The following NOTCH3 variants were observed in gnomAD, a reference collection of about 807,000 sequenced individuals.
NOTCH3 encodes the protein neurogenic locus notch homolog protein 3.
In NOTCH3, 86 loss-of-function variants were observed where a neutral mutation model predicts 213.3. The ratio of observed to expected loss-of-function variants is 0.40; its 90% CI spans 0.34 to 0.48. The LOEUF (loss-of-function observed/expected upper bound fraction) is 0.48. Ranked by LOEUF, NOTCH3 falls within the 20% of genes least tolerant of loss-of-function variation. The pLI is 0.57. For synonymous variants in NOTCH3, 1,354 were observed against 1,355.9 expected (o/e 1.00, Z 0.03); for missense variants, 2,783 against 3,272.6 (o/e 0.85, Z 3.65).
At chr19:15,175,611 A>ACG (rs1302553211) in intron 24 of NOTCH3, among the ~76,000 whole-genome samples, 11 of 142,092 alleles carry the variant, frequency 7.7e-5, no homozygotes, top group East Asian at 2.0e-4. Flanking sequence ...ACACACACAC[A>ACG]CACGCACGCA....
rs2046633536 is a variant in NOTCH3 at position 15,160,786 on chromosome 19, G to A, written c.6842C>T (p.Ala2281Val). ...PSPATATGAM[A>V]TTTGALPAQP... The stretch of plus-strand genomic sequence containing the variant: ...GGCAGGCAGTGCCCCAGTGGTGGTG[G>A]CCATGGCCCCAGTGGCAGTGGCTGG... The change falls in exon 33 of 33, where the codon GCC becomes GTC. Residue 2281 changes from alanine (A) to valine (V), a missense_variant. Transcript: ENST00000263388. 1 of 1,613,888 alleles carries A rather than the reference G, an allele frequency of 6.2e-7. No homozygotes were observed. The highest frequency in any genetic ancestry group is 8.5e-7 in the Non-Finnish European group (1 of 1,179,790).
intron 1 of NOTCH3, 119 bp from the exon 2 acceptor site, chr19:15,197,697 T>C: frequency 1.4e-6 from 1 of 704,016 alleles, no homozygotes; most frequent in Non-Finnish European, 2.3e-6. Context: ...GGGGCGTCTC[T>C]GCGGGTGCAG....
In NOTCH3 at chr19:15,184,428, C is replaced by T; in HGVS notation, c.2433G>A (p.Val811=). 1 of 1,613,834 alleles carries T rather than the reference C, an allele frequency of 6.2e-7. No homozygotes were observed. Among genetic ancestry groups the T allele is most frequent in the South Asian group, 1.1e-5 (1 of 91,062 alleles). ...AGGGTGCGGGGCCAGCACACTCGTC[C>T]ACATCCTGCTGGCATCGTGGGCCTG... ...GWQGPRCQQD[V]DECAGPAPCG... is the part of the protein sequence containing the mutation. The change falls in exon 16 of 33, where the codon GTG becomes GTA. Residue 811 remains valine (V), a synonymous_variant. Coordinates refer to ENST00000263388, the MANE Select transcript of NOTCH3 (RefSeq NM_000435.3).
chr19:15,162,798 CA>C (rs2046657115), intron 31 of NOTCH3, among the ~76,000 whole-genome samples: 11 of 136,690 alleles, frequency 8.0e-5, no homozygotes, highest in Admixed American at 8.0e-4. Context: ...TGTGTGCGTG[CA>C]TGTGCATGAC....
rs544145401 is a variant in NOTCH3 at position 15,187,272 on chromosome 19, C to T, written c.1673G>A (p.Arg558His). Reference protein sequence around the residue: ...DCSPDPCHHGRCVDGIASFSC... With the variant: ...DCSPDPCHHGHCVDGIASFSC... ...GAAGCTGGCGATGCCATCCACGCAG[C>T]GACCATGGTGGCATGGGTCAGGGGA... Residue 558 changes from arginine (R) to histidine (H), a missense_variant, in exon 11 of 33, where the codon CGC (arginine) becomes CAC (histidine). Around this residue, in one of 6 missense-constraint regions of NOTCH3, gnomAD observed 708 missense variants for 906.6 expected, o/e 0.78. Transcript: ENST00000263388. 2.0e-5 allele frequency: 32 copies of T among 1,614,098 alleles called. No homozygotes were observed. In the East Asian group the frequency reaches 2.9e-4, roughly 15 times the overall value.
chr19:15,161,982 CTT>C lies in NOTCH3; in HGVS notation c.5914-270_5914-269del, dbSNP rs71168583. On this transcript the variant is annotated intron_variant, in intron 32 of 32. Transcript: ENST00000263388. ...TTAGGCATAACTTTTTTTTTCTTGT[CTT>C]TTTTTTTTTTTTTTTTTGACAGAGT... 1.4e-3 allele frequency among the ~76,000 whole-genome samples: 164 copies of C among 114,698 alleles called. 1 individual carries two copies. Among genetic ancestry groups the C allele is most frequent in the Middle Eastern group, 6.1e-3 (1 of 164 alleles). 75.2% of individuals were successfully genotyped at this position (114,698 alleles called of 152,430 possible). A position where few individuals can be genotyped will look rare whatever the true frequency, so the allele number is the denominator to read the frequency against.
chr19:15,189,896 A>G (rs2046914553), intron 6 of NOTCH3, among the ~76,000 whole-genome samples: 1 of 152,216 alleles, frequency 6.6e-6, no homozygotes, highest in African/African-American at 2.4e-5. Context: ...TCAAACATAC[A>G]GAAAAGTTGA....
In NOTCH3 at chr19:15,194,031, G is replaced by A. The variant is rs11880697; in HGVS notation, c.198-1512C>T. Among the ~76,000 whole-genome samples, 460 of 152,140 alleles carry A rather than the reference G, an allele frequency of 3.0e-3. 3 individuals are homozygous for A. The highest frequency in any genetic ancestry group is 9.4e-3 in the African/African-American group (391 of 41,470). On this transcript the variant is annotated intron_variant, in intron 2 of 32. Coordinates refer to ENST00000263388, the MANE Select transcript of NOTCH3 (RefSeq NM_000435.3). ...TGGGAGGCGGAGGTTGCAGTAAGCCGAGATCGTGCCACTGCACTCCAGCCT... is the reference window on the plus strand; with the variant it reads ...TGGGAGGCGGAGGTTGCAGTAAGCCAAGATCGTGCCACTGCACTCCAGCCT...
chr19:15,187,892 C>T lies in NOTCH3; in HGVS notation c.1595G>A (p.Arg532His), dbSNP rs749628786. ...CVDQPDGYEC[R>H]CAEGFEGTLC... ...TTGGCCCGCCTCACCCTCGGCACAG[C>T]GGCACTCGTAGCCATCGGGCTGGTC... Residue 532 changes from arginine (R) to histidine (H), a missense_variant, in exon 10 of 33, where the codon CGC (arginine) becomes CAC (histidine). This residue lies in a region of NOTCH3 where 708 missense variants were observed against 906.6 expected (regional missense o/e 0.78). Coordinates refer to ENST00000263388, the MANE Select transcript of NOTCH3 (RefSeq NM_000435.3). 7.1e-6 allele frequency: 11 copies of T among 1,548,728 alleles called. No homozygotes were observed. Among genetic ancestry groups the T allele is most frequent in the Middle Eastern group, 2.1e-4 (1 of 4,664 alleles).
At position 15,191,573 on chromosome 19, in the gene NOTCH3, C is replaced by T. The variant is rs1039406785; in HGVS notation, c.887G>A (p.Gly296Asp). The change falls in exon 6 of 33, where the codon GGT becomes GAT. Residue 296 changes from glycine to aspartate, a missense_variant. Coordinates refer to ENST00000263388, the MANE Select transcript of NOTCH3 (RefSeq NM_000435.3). The part of the protein sequence containing the change: ...HNGGTCFNTL[G>D]GHSCVCVNGW... ...ATTGACACACACGCAGCTGTGGCCA[C>T]CCAGCGTGTTGAAGCAGGTACCCCC... is the stretch of plus-strand genomic sequence containing the variant. 1 of 1,613,586 alleles carries T rather than the reference C, an allele frequency of 6.2e-7. No homozygotes were observed. Among genetic ancestry groups the T allele is most frequent in the Admixed American group, 1.7e-5 (1 of 60,000 alleles).
Position 15,170,601 on chromosome 19 carries a change from T to C in NOTCH3, c.4892-48A>G, listed in dbSNP as rs1330939274. On this transcript the variant is annotated intron_variant, in intron 26 of 32. Coordinates refer to ENST00000263388, the MANE Select transcript of NOTCH3 (RefSeq NM_000435.3). The stretch of plus-strand genomic sequence containing the variant: ...GGGGCTTCAGCCGAGGGCGGGGCTT[T>C]GGCCTCAGGCGGGGCTTCGGCCGCC... The C allele has an allele frequency of 1.1e-5, 17 of 1,583,856 alleles. No individual in the cohort carries two copies. In the African/African-American group the frequency reaches 1.6e-4, roughly 15 times the overall value.
rs373500313 is a variant in NOTCH3, at chr19:15,171,869, C to T, written c.4737-1044G>A. 6.6e-5 allele frequency among the ~76,000 whole-genome samples: 10 copies of T among 151,590 alleles called. No individual in the cohort carries two copies. The East Asian group carries it at 9.7e-4, about 15-fold the overall frequency. ...ATTTTTAGTAGAGACGGGGTTTCAC[C>T]GTGTTGGCCAGGACATTGTATTTGT... is the stretch of plus-strand genomic sequence containing the variant. On this transcript the variant is annotated intron_variant, in intron 25 of 32. Transcript: ENST00000263388.
In NOTCH3 at chr19:15,192,765, C is replaced by T. The variant is rs561436241; in HGVS notation, c.198-246G>A. Among the ~76,000 whole-genome samples, 4 of 152,048 alleles carry T rather than the reference C, an allele frequency of 2.6e-5. No homozygotes were observed. The South Asian group carries it at 6.2e-4, about 24-fold the overall frequency. ...CCCCGTCTCTACTAAAAGTACGAAA[C>T]TTTGCTGGGCATAGTGGTGCGTGCC... On this transcript the variant is annotated intron_variant, in intron 2 of 32. Transcript: ENST00000263388.
At chr19:15,174,037 C>T (rs776547137) in intron 25 of NOTCH3, 31 bp downstream of exon 25, 14 of 1,523,562 alleles carry the variant, frequency 9.2e-6, no homozygotes, top group Admixed American at 1.9e-5. Context: ...TCTCCCCAGC[C>T]ACCACGGCTT....
In NOTCH3 at chr19:15,165,672, T is replaced by C. The variant is rs2066069002; in HGVS notation, c.5667+115A>G. The C allele has an allele frequency of 2.4e-6, 3 of 1,235,784 alleles. No individual in the cohort carries two copies. The highest frequency in any genetic ancestry group is 3.3e-6 in the Non-Finnish European group (3 of 907,560). The allele number at this position is 1,235,784 out of a possible 1,614,324, so 76.6% of individuals were successfully genotyped here. A position where few individuals can be genotyped will look rare whatever the true frequency, so the allele number is the denominator to read the frequency against. On this transcript the variant is annotated intron_variant, in intron 30 of 32. Coordinates refer to ENST00000263388, the MANE Select transcript of NOTCH3 (RefSeq NM_000435.3). The surrounding 1 kb of genome is among the most constrained non-coding windows in gnomAD (Gnocchi z 4.7). ...GCTTGACAGATACTGTATTCCCATATATCCCCATTTTCCAAATGAGAAAAA... is the reference window on the plus strand; with the variant it reads ...GCTTGACAGATACTGTATTCCCATACATCCCCATTTTCCAAATGAGAAAAA...
In NOTCH3 at chr19:15,167,250, T is replaced by C. The variant is rs1327332492; in HGVS notation, c.5361A>G (p.Pro1787=). 1.9e-6 allele frequency: 3 copies of C among 1,611,588 alleles called. No homozygotes were observed. The highest frequency in any genetic ancestry group is 3.3e-5 in the Admixed American group (2 of 60,000). Residue 1787 remains proline, a splice_region_variant and synonymous_variant, in exon 29 of 33, where the codon CCA becomes CCG. Transcript: ENST00000263388. ...TTTGGGAGGGGCACTGTCACTAACC[T>C]GGGCCACGCACATTGACATCCATGC... ...ADGMDVNVRG[P]DGFTPLMLAS...
In NOTCH3 at chr19:15,170,072, A is replaced by AG. The variant is rs772322107; in HGVS notation, c.5199+13dup. On this transcript the variant is annotated intron_variant, in intron 28 of 32. Coordinates refer to ENST00000263388, the MANE Select transcript of NOTCH3 (RefSeq NM_000435.3). ...GGTCAGAGGAGGGGGCAAAGGTCAG[A>AG]GGGGGGGCAGTACCTTTAGCCGCTT... 83 of 1,516,142 alleles carry AG rather than the reference A, an allele frequency of 5.5e-5. No individual in the cohort carries two copies. The Admixed American group carries it at 5.6e-4, about 10-fold the overall frequency. The allele number at this position is 1,516,142 out of a possible 1,614,324, so 93.9% of individuals were successfully genotyped here.
intron 28 of NOTCH3, among the ~76,000 whole-genome samples, chr19:15,169,446 G>T (rs1207578138): frequency 1.3e-5 from 2 of 148,684 alleles, no homozygotes; most frequent in Non-Finnish European, 3.0e-5. Flanking sequence ...CGCTCTTGTT[G>T]CCCAGTCTGG....
intron 17 of NOTCH3, 81 bp from the exon 18 acceptor site, chr19:15,181,243 C>A (rs2046839136): frequency 7.8e-7 from 1 of 1,282,224 alleles, no homozygotes; most frequent in Non-Finnish European, 1.1e-6. Context: ...CCGCTGTTAG[C>A]GCTGGGGACG....
Sources: allele counts gnomAD v4.1 joint callset (sites outside exome capture counted in the v4.1 genomes callset), GRCh38; gene constraint gnomAD v4.1.1; regional missense constraint gnomAD v4.1.1; non-coding constraint Gnocchi (gnomAD v3.1); transcripts MANE v1.5; gene names NCBI Gene and HGNC (gene_info 2026-07-23, HGNC 2026-07-21).